Variants in PLEKHG1 observed in about 807,000 individuals in gnomAD.
PLEKHG1 encodes the protein pleckstrin homology domain-containing family G member 1.
A neutral mutation model predicts 100.8 loss-of-function variants in PLEKHG1; 44 were observed. The ratio of observed to expected loss-of-function variants is 0.44; its 90% CI spans 0.34 to 0.56. PLEKHG1 has a LOEUF of 0.56. Among genes scored for constraint, PLEKHG1 ranks in the 20% least tolerant of loss-of-function variants. PLEKHG1 has a pLI of 0.01. For missense variants in PLEKHG1, 1,545 were observed against 1,720.9 expected, an observed-to-expected ratio of 0.90 and a Z score of 1.81; for synonymous variants, 640 against 662.5, an observed-to-expected ratio of 0.97 and a Z score of 0.52.
intron 14 of PLEKHG1, among the ~76,000 whole-genome samples, chr6:150,825,628 A>G (rs1477808932): frequency 1.3e-5 from 2 of 152,114 alleles, no homozygotes; most frequent in African/African-American, 2.4e-5. Context: ...ATAGCTTAAT[A>G]TTTCTCCCAG....
At chr6:150,677,034 C>T (rs1243872547) in intron 3 of PLEKHG1, among the ~76,000 whole-genome samples, 1 of 152,114 alleles carries the variant, frequency 6.6e-6, no homozygotes, top group Non-Finnish European at 1.5e-5. Context: ...TAGGCATTCT[C>T]CCTGCGCTGC....
At chr6:150,790,762 G>A (rs922355581) in intron 4 of PLEKHG1, among the ~76,000 whole-genome samples, 10 of 151,952 alleles carry the variant, frequency 6.6e-5, no homozygotes, top group South Asian at 2.1e-4. Flanking sequence ...TGGCTCATGC[G>A]TGTAATCCCA....
At chr6:150,837,968 G>C (rs983831238) in intron 15 of PLEKHG1, among the ~76,000 whole-genome samples, 2 of 152,176 alleles carry the variant, frequency 1.3e-5, no homozygotes, top group African/African-American at 4.8e-5. Flanking sequence ...TCTGAGTATA[G>C]GTCTGTAATG....
chr6:150,715,419 T>G (rs1430906301), intron 3 of PLEKHG1, among the ~76,000 whole-genome samples: 1 of 152,160 alleles, frequency 6.6e-6, no homozygotes, highest in Non-Finnish European at 1.5e-5. Context: ...TCTGAGGGAC[T>G]TCAGTGCGGA....
At chr6:150,810,021 G>C (rs1368294797) in intron 10 of PLEKHG1, among the ~76,000 whole-genome samples, 1 of 152,128 alleles carries the variant, frequency 6.6e-6, no homozygotes, top group African/African-American at 2.4e-5. Flanking sequence ...AAAGAGGCTG[G>C]CATGTGGCTC....
intron 15 of PLEKHG1, among the ~76,000 whole-genome samples, chr6:150,838,847 G>A (rs17080407): frequency 0.033 from 5,031 of 152,176 alleles, 95 homozygotes; most frequent in South Asian, 0.055. Context: ...ATGTCTTGGC[G>A]GCCTAGGCTT....
At chr6:150,642,573 A>T (rs188531070) in intron 2 of PLEKHG1, among the ~76,000 whole-genome samples, 2 of 152,332 alleles carry the variant, frequency 1.3e-5, no homozygotes, top group East Asian at 3.9e-4. Flanking sequence ...TTTACTGTAT[A>T]ACTACAGTTG....
intron 1 of PLEKHG1, among the ~76,000 whole-genome samples, chr6:150,611,740 A>G (rs1366679380): frequency 1.3e-5 from 2 of 150,056 alleles, no homozygotes; most frequent in African/African-American, 4.9e-5. Flanking sequence ...TCAACTCGGT[A>G]GGCGGAGGTT....
rs149995843 is a variant in PLEKHG1, at chr6:150,808,710, C to T, written c.913-395C>T. The stretch of plus-strand genomic sequence containing the variant: ...GAGGTTGCAGTGAGCCCTGATCGCG[C>T]CACTTCCCTCCAGCCTGGGTGACAG... On this transcript the variant is annotated intron_variant, in intron 7 of 15. Transcript: ENST00000358517. 2.8e-4 allele frequency among the ~76,000 whole-genome samples: 42 copies of T among 152,154 alleles called. 1 individual carries two copies. In the East Asian group the frequency reaches 7.0e-3, roughly 25 times the overall value.
At chr6:150,792,577 G>A (rs558995994) in intron 4 of PLEKHG1, among the ~76,000 whole-genome samples, 3 of 151,942 alleles carry the variant, frequency 2.0e-5, no homozygotes, top group Admixed American at 1.3e-4. Context: ...AGGAGGCTGA[G>A]GCAGGAGAGT....
intron 10 of PLEKHG1, among the ~76,000 whole-genome samples, chr6:150,814,325 A>G (rs1307094874): frequency 6.6e-6 from 1 of 152,252 alleles, no homozygotes; most frequent in Non-Finnish European, 1.5e-5. Context: ...AGACCCCCTT[A>G]CATACCTGTC....
chr6:150,721,474 T>C (rs1781671412), intron 1 of PLEKHG1, among the ~76,000 whole-genome samples: 1 of 152,226 alleles, frequency 6.6e-6, no homozygotes, highest in Admixed American at 6.5e-5. Context: ...GATTTTGCTC[T>C]TTCCTTAAAG....
intron 1 of PLEKHG1, among the ~76,000 whole-genome samples, chr6:150,608,090 T>C (rs1299899187): frequency 6.6e-6 from 1 of 152,240 alleles, no homozygotes; most frequent in African/African-American, 2.4e-5. Flanking sequence ...AATGTGAAGA[T>C]AATGATTTTG....
chr6:150,665,503 G>A (rs1436773704), intron 3 of PLEKHG1, among the ~76,000 whole-genome samples: 3 of 152,054 alleles, frequency 2.0e-5, no homozygotes, highest in Non-Finnish European at 4.4e-5. Context: ...GGTGGCACGT[G>A]CCTGTAGTCC....
At chr6:150,618,881 C>G (rs1443629829) in intron 1 of PLEKHG1, among the ~76,000 whole-genome samples, 1 of 152,122 alleles carries the variant, frequency 6.6e-6, no homozygotes, top group Admixed American at 6.6e-5. Context: ...GCATTCGAGA[C>G]TAGCTTGGAC....
intron 3 of PLEKHG1, among the ~76,000 whole-genome samples, chr6:150,693,786 A>G (rs1275912763): frequency 6.6e-6 from 1 of 152,212 alleles, no homozygotes; most frequent in Non-Finnish European, 1.5e-5. Context: ...TAAATCATAC[A>G]TAAATCTTTG....
At chr6:150,804,578 A>AT in intron 6 of PLEKHG1, 32 bp from the exon 8 acceptor site, 2 of 1,543,838 alleles carry the variant, frequency 1.3e-6, no homozygotes, top group Non-Finnish European at 1.7e-6. Context: ...TAAAATGAAA[A>AT]AAAAAAAAAC....
intron 1 of PLEKHG1, among the ~76,000 whole-genome samples, chr6:150,610,726 GT>G (rs1776792408): frequency 1.3e-5 from 2 of 152,164 alleles, no homozygotes; most frequent in South Asian, 4.1e-4. Context: ...TTTAGAAATT[GT>G]TTTTGTTTGA....
At chr6:150,806,688 C>T (rs1228821396) in intron 7 of PLEKHG1, among the ~76,000 whole-genome samples, 2 of 149,618 alleles carry the variant, frequency 1.3e-5, no homozygotes, top group South Asian at 4.3e-4. Flanking sequence ...ATTAGCCGGG[C>T]GTGGTGGTGC....
Sources: gnomAD v4.1 joint callset for allele counts (sites outside exome capture counted in the v4.1 genomes callset) on GRCh38, gnomAD v4.1.1 for gene constraint, MANE v1.5 for transcripts, NCBI Gene and HGNC (gene_info 2026-07-23, HGNC 2026-07-21) for gene names.